ATXN7L1: variants seen among roughly 807,000 people sequenced by gnomAD.
The protein encoded by ATXN7L1 is ataxin 7 like 1.
In ATXN7L1, 15 loss-of-function variants were observed where a neutral mutation model predicts 70.8. The ratio of observed to expected loss-of-function variants is 0.21; its 90% CI spans 0.14 to 0.33. ATXN7L1 has a LOEUF of 0.33. Among genes scored for constraint, ATXN7L1 ranks in the 10% least tolerant of loss-of-function variants. The pLI, the probability that ATXN7L1 is intolerant of heterozygous loss-of-function variation, is 1.00. For missense variants in ATXN7L1, 975 were observed against 1,097.1 expected (o/e 0.89, Z 1.57); for synonymous variants, 440 against 445.1 (o/e 0.99, Z 0.14).
chr7:105,612,393 C>T (rs1380274497), intron 10 of ATXN7L1, among the ~76,000 whole-genome samples: 1 of 152,250 alleles, frequency 6.6e-6, no homozygotes, highest in Non-Finnish European at 1.5e-5. Flanking sequence ...ATACCACGGC[C>T]TTGCTGTTCA....
chr7:105,818,327 G>A (rs1013666289), intron 2 of ATXN7L1, among the ~76,000 whole-genome samples: 3 of 152,044 alleles, frequency 2.0e-5, no homozygotes, highest in East Asian at 3.9e-4. Context: ...GTGCCACCAC[G>A]CCCCAGCTAA....
intron 3 of ATXN7L1, among the ~76,000 whole-genome samples, chr7:105,767,107 T>C (rs1801373192): frequency 6.6e-6 from 1 of 152,148 alleles, no homozygotes; most frequent in South Asian, 2.1e-4. Context: ...GGGAATGATT[T>C]TGCAGGGGAA....
At chr7:105,633,952 G>T (rs988590457) in intron 7 of ATXN7L1, among the ~76,000 whole-genome samples, 2 of 152,174 alleles carry the variant, frequency 1.3e-5, no homozygotes, top group African/African-American at 4.8e-5. Context: ...ACCAGGAGGA[G>T]GGAGTTCCGC....
intron 3 of ATXN7L1, among the ~76,000 whole-genome samples, chr7:105,703,639 C>G (rs754683609): frequency 2.2e-4 from 34 of 152,160 alleles, no homozygotes; most frequent in South Asian, 4.1e-4. Context: ...GAGACACTAC[C>G]CACCCTTGTA....
chr7:105,647,372 G>A (rs1799198785), intron 4 of ATXN7L1, among the ~76,000 whole-genome samples: 1 of 152,364 alleles, frequency 6.6e-6, no homozygotes, highest in Non-Finnish European at 1.5e-5. Flanking sequence ...AACCGGCTGG[G>A]TACGGTGACT....
intron 2 of ATXN7L1, chr7:105,819,542 C>A: frequency 2.2e-6 from 3 of 1,391,966 alleles, no homozygotes; most frequent in South Asian, 2.3e-5. Flanking sequence ...ATCTCCTGGG[C>A]CGCCTGGCGG....
At chr7:105,703,425 G>A (rs2116243059) in intron 3 of ATXN7L1, among the ~76,000 whole-genome samples, 1 of 152,292 alleles carries the variant, frequency 6.6e-6, no homozygotes, top group Non-Finnish European at 1.5e-5. Context: ...TCTAGATTGG[G>A]CAACTGGTAT....
intron 3 of ATXN7L1, among the ~76,000 whole-genome samples, chr7:105,669,468 T>C (rs1483532612): frequency 6.6e-6 from 1 of 152,174 alleles, no homozygotes; most frequent in Non-Finnish European, 1.5e-5. Flanking sequence ...GCCCTTAATA[T>C]AAGTTTTTTT....
chr7:105,827,700 G>A (rs187234136), intron 2 of ATXN7L1, among the ~76,000 whole-genome samples: 1 of 152,158 alleles, frequency 6.6e-6, no homozygotes. Flanking sequence ...AAGGATGACT[G>A]TATCTTGTTT....
intron 3 of ATXN7L1, among the ~76,000 whole-genome samples, chr7:105,686,255 C>A (rs534834131): frequency 2.2e-4 from 34 of 152,316 alleles, no homozygotes; most frequent in African/African-American, 7.9e-4. Flanking sequence ...GTGGCTCATG[C>A]CTGTAATCCC....
At chr7:105,818,195 G>A (rs1050233160) in intron 2 of ATXN7L1, among the ~76,000 whole-genome samples, 6 of 151,986 alleles carry the variant, frequency 3.9e-5, no homozygotes, top group African/African-American at 1.5e-4. Flanking sequence ...TGAGATGGGG[G>A]GTCTCATTCT....
intron 7 of ATXN7L1, among the ~76,000 whole-genome samples, chr7:105,633,692 C>T (rs934287767): frequency 1.3e-5 from 2 of 152,142 alleles, no homozygotes; most frequent in African/African-American, 4.8e-5. Flanking sequence ...TGCTCTCCAG[C>T]CTGGGTGACA....
At chr7:105,744,704 T>C (rs2116369113) in intron 3 of ATXN7L1, among the ~76,000 whole-genome samples, 1 of 151,332 alleles carries the variant, frequency 6.6e-6, no homozygotes, top group South Asian at 2.1e-4. Flanking sequence ...CTAAATGCAA[T>C]ATGTACTCCA....
chr7:105,796,556 T>G (rs1309216369), intron 2 of ATXN7L1, among the ~76,000 whole-genome samples: 1 of 152,020 alleles, frequency 6.6e-6, no homozygotes, highest in Non-Finnish European at 1.5e-5. Flanking sequence ...GGGCTTCTGC[T>G]TACATGAACT....
chr7:105,683,539 C>T (rs555473722), intron 3 of ATXN7L1, among the ~76,000 whole-genome samples: 8 of 152,158 alleles, frequency 5.3e-5, no homozygotes, highest in South Asian at 4.1e-4. Context: ...ATTAGCCGAG[C>T]GTGGTGGTGC....
At chr7:105,751,432 G>A (rs1799198331) in intron 3 of ATXN7L1, among the ~76,000 whole-genome samples, 1 of 152,040 alleles carries the variant, frequency 6.6e-6, no homozygotes, top group South Asian at 2.1e-4. Context: ...TGGAGTTCGA[G>A]ACCAGCCTGG....
intron 3 of ATXN7L1, among the ~76,000 whole-genome samples, chr7:105,666,498 T>C (rs1802636205): frequency 6.6e-6 from 1 of 152,238 alleles, no homozygotes; most frequent in Admixed American, 6.5e-5. Context: ...CACCCTGACC[T>C]GGGAGATGCA....
At chr7:105,848,435 G>A (rs1432875248) in intron 2 of ATXN7L1, among the ~76,000 whole-genome samples, 1 of 152,038 alleles carries the variant, frequency 6.6e-6, no homozygotes, top group African/African-American at 2.4e-5. Context: ...TTAGCTACAA[G>A]GATATTCATT....
chr7:105,835,253 C>G lies in ATXN7L1; in HGVS notation c.250+40559G>C, dbSNP rs151154682. Among the ~76,000 whole-genome samples, 905 of 144,744 alleles carry G rather than the reference C, an allele frequency of 6.3e-3. 3 individuals carry two copies. Among genetic ancestry groups the G allele is most frequent in the Non-Finnish European group, 9.0e-3 (600 of 66,852 alleles). The allele number at this position is 144,744 out of a possible 152,430, so 95.0% of individuals were successfully genotyped here. ...CACTGTAACCTCTGCATCCCGGGCT[C>G]AGGTGATCCTCCCACCTCAGCCTCC... On this transcript the variant is annotated intron_variant, in intron 2 of 11. Coordinates refer to ENST00000419735, the MANE Select transcript of ATXN7L1 (RefSeq NM_020725.2).
Sources: allele counts gnomAD v4.1 joint callset (sites outside exome capture counted in the v4.1 genomes callset), GRCh38; gene constraint gnomAD v4.1.1; transcripts MANE v1.5; gene names NCBI Gene and HGNC (gene_info 2026-07-23, HGNC 2026-07-21).